The following NCKAP5 variants were observed in gnomAD, a reference collection of about 807,000 sequenced individuals.
NCKAP5 encodes the protein nck-associated protein 5.
In NCKAP5, 92 loss-of-function variants were observed where a neutral mutation model predicts 167.0. That is an observed-to-expected ratio of 0.55 (90% CI 0.47 to 0.66). The LOEUF is 0.66. Among genes scored for constraint, NCKAP5 ranks in the 30% least tolerant of loss-of-function variants. The probability of loss-of-function intolerance (pLI) is 0.00; values close to 1 mark genes in which losing one functional copy is unlikely to be tolerated. For synonymous variants in NCKAP5, 891 were observed against 877.4 expected (o/e 1.02, Z -0.27); for missense variants, 2,378 against 2,315.0 (o/e 1.03, Z -0.56).
chr2:132,981,407 G>A (rs2077138110), intron 7 of NCKAP5, among the ~76,000 whole-genome samples: 3 of 152,166 alleles, frequency 2.0e-5, no homozygotes, highest in Admixed American at 2.0e-4. Context: ...GAGAACATGA[G>A]GGAAGGAGGA....
intron 2 of NCKAP5, 123 bp from the exon 3 acceptor site, chr2:133,517,710 G>A (rs1400293527): frequency 1.5e-5 from 6 of 387,186 alleles, no homozygotes; most frequent in Non-Finnish European, 2.8e-5. Flanking sequence ...AATAAGTATA[G>A]AACTAGGCTC....
chr2:132,788,570 T>C (rs1683788813), intron 13 of NCKAP5, among the ~76,000 whole-genome samples: 1 of 152,126 alleles, frequency 6.6e-6, no homozygotes, highest in Non-Finnish European at 1.5e-5. Context: ...TAGGAGAGCC[T>C]ACTTAATAGG....
At chr2:132,819,353 G>A (rs1197549011) in intron 11 of NCKAP5, among the ~76,000 whole-genome samples, 1 of 152,214 alleles carries the variant, frequency 6.6e-6, no homozygotes, top group Non-Finnish European at 1.5e-5. Flanking sequence ...TCATTGCCAA[G>A]CAGAGCGCTA....
chr2:133,010,090 A>AT (rs1267443125), intron 6 of NCKAP5, among the ~76,000 whole-genome samples: 40 of 151,334 alleles, frequency 2.6e-4, no homozygotes, highest in African/African-American at 9.2e-4. Flanking sequence ...AAATAAATAA[A>AT]TAAAAAAAAC....
At chr2:132,892,789 G>T (rs1692816880) in intron 8 of NCKAP5, among the ~76,000 whole-genome samples, 1 of 152,074 alleles carries the variant, frequency 6.6e-6, no homozygotes, top group African/African-American at 2.4e-5. Context: ...TGCAGAGATA[G>T]TTTATTTATA....
intron 6 of NCKAP5, among the ~76,000 whole-genome samples, chr2:133,045,139 T>C (rs951953647): frequency 6.6e-6 from 1 of 151,272 alleles, no homozygotes; most frequent in Non-Finnish European, 1.5e-5. Flanking sequence ...TTAGCAGCAC[T>C]GTTTGTAAGA....
chr2:133,213,472 C>T (rs1430538731), intron 5 of NCKAP5, among the ~76,000 whole-genome samples: 1 of 152,010 alleles, frequency 6.6e-6, no homozygotes, highest in African/African-American at 2.4e-5. Context: ...AAAACAAAGC[C>T]TTATAATCCT....
rs149532572 is a variant in NCKAP5, at chr2:133,520,368, A to G, written c.-61-2781T>C. 3.8e-3 allele frequency among the ~76,000 whole-genome samples: 581 copies of G among 152,280 alleles called. 23 individuals carry two copies. Among genetic ancestry groups the G allele is most frequent in the Admixed American group, 0.035 (530 of 15,288 alleles). On this transcript the variant is annotated intron_variant, in intron 2 of 19. Coordinates refer to ENST00000409261, the MANE Select transcript of NCKAP5 (RefSeq NM_207363.3). ...AACACAAAGGTTAATCTTAGGTTTT[A>G]AATTCCCTACCTTACTCCCTACTAG...
intron 4 of NCKAP5, among the ~76,000 whole-genome samples, chr2:133,255,302 G>A (rs2150351603): frequency 6.6e-6 from 1 of 152,232 alleles, no homozygotes; most frequent in South Asian, 2.1e-4. Flanking sequence ...TTTGTTTCCA[G>A]AGCTTTGGGA....
chr2:132,986,086 GAGAA>G (rs1282075970), intron 7 of NCKAP5, among the ~76,000 whole-genome samples: 1 of 152,038 alleles, frequency 6.6e-6, no homozygotes, highest in East Asian at 1.9e-4. Context: ...AATAAGGAAA[GAGAA>G]AGGAAGCACT....
At chr2:133,471,848 T>C (rs1020686695) in intron 3 of NCKAP5, among the ~76,000 whole-genome samples, 1 of 152,238 alleles carries the variant, frequency 6.6e-6, no homozygotes, top group Non-Finnish European at 1.5e-5. Context: ...AAGCCATCCC[T>C]ACCTCACTTG....
At chr2:132,703,273 A>G (rs1033131601) in intron 19 of NCKAP5, among the ~76,000 whole-genome samples, 3 of 152,244 alleles carry the variant, frequency 2.0e-5, no homozygotes, top group East Asian at 1.9e-4. Context: ...GCTCAAATAC[A>G]TATATATCCA....
intron 7 of NCKAP5, among the ~76,000 whole-genome samples, chr2:132,989,475 T>G (rs1403589719): frequency 1.3e-5 from 2 of 152,148 alleles, no homozygotes; most frequent in Non-Finnish European, 2.9e-5. Context: ...TTGAGCTCCC[T>G]AAAGTTAATC....
chr2:133,654,161 A>G, the NCKAP5 span, among the ~76,000 whole-genome samples: 96 of 152,184 alleles, frequency 6.3e-4, no homozygotes, highest in African/African-American at 2.2e-3. Context: ...AGGCAGGTGG[A>G]TCACAAGGTC....
intron 5 of NCKAP5, among the ~76,000 whole-genome samples, chr2:133,134,323 G>A (rs192384961): frequency 1.8e-4 from 27 of 152,310 alleles, no homozygotes; most frequent in Non-Finnish European, 3.7e-4. Context: ...TAGTATTTAT[G>A]TATTTTTTAA....
intron 5 of NCKAP5, among the ~76,000 whole-genome samples, chr2:133,178,641 C>G (rs188958361): frequency 6.7e-6 from 1 of 149,150 alleles, no homozygotes; most frequent in Non-Finnish European, 1.5e-5. Context: ...CTGGCTAACA[C>G]GGTGAAAACC....
intron 9 of NCKAP5, among the ~76,000 whole-genome samples, chr2:132,876,265 A>T (rs1044709759): frequency 1.5e-4 from 23 of 151,552 alleles, no homozygotes; most frequent in African/African-American, 5.1e-4. Flanking sequence ...TTATGATTTT[A>T]TTTTTTTTAT....
At chr2:133,081,956 G>T (rs2080824787) in intron 6 of NCKAP5, among the ~76,000 whole-genome samples, 1 of 152,088 alleles carries the variant, frequency 6.6e-6, no homozygotes, top group Non-Finnish European at 1.5e-5. Flanking sequence ...TGTCACAGGG[G>T]TTCAGTGTAC....
intron 3 of NCKAP5, among the ~76,000 whole-genome samples, chr2:133,461,848 C>T (rs1435358059): frequency 2.0e-5 from 3 of 152,108 alleles, no homozygotes; most frequent in African/African-American, 2.4e-5. Context: ...CAACATGAAA[C>T]GTGAAGATTT....
Sources: gnomAD v4.1 joint callset for allele counts (sites outside exome capture counted in the v4.1 genomes callset) on GRCh38, gnomAD v4.1.1 for gene constraint, MANE v1.5 for transcripts, NCBI Gene and HGNC (gene_info 2026-07-23, HGNC 2026-07-21) for gene names.